The following UCKL1 variants were observed in gnomAD, a reference collection of about 807,000 sequenced individuals.
UCKL1 encodes uridine-cytidine kinase 1 like 1, also known as uridine-cytidine kinase-like 1.
In UCKL1, 65 loss-of-function variants were observed where a neutral mutation model predicts 59.2. The ratio of observed to expected loss-of-function variants is 1.10; its 90% CI spans 0.90 to 1.35. The LOEUF (loss-of-function observed/expected upper bound fraction) is 1.35, where lower values mean the gene tolerates loss of function less well. Among genes scored for constraint, UCKL1 ranks in the 40% most tolerant of loss-of-function variants. UCKL1 has a pLI of 0.00. For missense variants in UCKL1, 703 were observed against 784.3 expected (o/e 0.90, Z 1.24); for synonymous variants, 410 against 323.1 (o/e 1.27, Z -2.88).
Position 63,945,913 on chromosome 20 carries a change from A to C in UCKL1, c.474T>G (p.Asp158Glu), listed in dbSNP as rs960915603. 26 of 1,613,356 alleles carry C rather than the reference A, an allele frequency of 1.6e-5. No individual in the cohort carries two copies. The highest frequency in any genetic ancestry group is 2.2e-5 in the Non-Finnish European group (26 of 1,179,852). ...AAATGATGAGGTCGAAGTCAAAGGCATCTGGGTGGTCGAAGTTGAAGTTGT... is the reference window on the plus strand; with the variant it reads ...AAATGATGAGGTCGAAGTCAAAGGCCTCTGGGTGGTCGAAGTTGAAGTTGT... Reference protein sequence around the residue: ...AHNNFNFDHPDAFDFDLIIST... With the variant: ...AHNNFNFDHPEAFDFDLIIST... The change falls in exon 4 of 15, where the codon GAT becomes GAG. Residue 158 changes from aspartate to glutamate, a missense_variant. Physicochemically the swap from Asp to Glu is conservative, Grantham distance 45 (BLOSUM62 2). Around this residue, in one of 4 missense-constraint regions of UCKL1, gnomAD observed 398 missense variants for 373.0 expected, o/e 1.07. Coordinates refer to ENST00000354216, the MANE Select transcript of UCKL1 (RefSeq NM_017859.4).
At chr20:63,949,807 G>A (rs554337399) in intron 1 of UCKL1, among the ~76,000 whole-genome samples, 1 of 152,214 alleles carries the variant, frequency 6.6e-6, no homozygotes, top group Non-Finnish European at 1.5e-5. Context: ...TCCCAGCACC[G>A]CCCTTGCGGC....
At chr20:63,946,776 G>A in intron 1 of UCKL1, 133 bp from the exon 2 acceptor site, 11 of 919,278 alleles carry the variant, frequency 1.2e-5, no homozygotes, top group South Asian at 1.7e-5. Context: ...CTCATTGGGG[G>A]TACATAAGAA....
chr20:63,945,411 G>A (rs1045179651), intron 5 of UCKL1, among the ~76,000 whole-genome samples: 1 of 152,262 alleles, frequency 6.6e-6, no homozygotes, highest in Non-Finnish European at 1.5e-5. Context: ...CTCCAGGTAT[G>A]CGCACAGGCC....
chr20:63,956,070 C>T (rs1041691368), intron 1 of UCKL1, 190 bp downstream of exon 1: 23 of 497,114 alleles, frequency 4.6e-5, no homozygotes, highest in Non-Finnish European at 7.5e-5. Context: ...CGGCTTGGGC[C>T]AGGTCCGTCC....
At chr20:63,952,852 C>T (rs1601346568) in intron 1 of UCKL1, among the ~76,000 whole-genome samples, 1 of 152,234 alleles carries the variant, frequency 6.6e-6, no homozygotes, top group East Asian at 1.9e-4. Context: ...CAGTTTCCTC[C>T]TCAAGGACTA....
intron 1 of UCKL1, chr20:63,954,117 T>C (rs79575010): frequency 0.013 from 1,949 of 152,776 alleles, 51 homozygotes; most frequent in African/African-American, 0.043. Context: ...GGAGAGTCAT[T>C]AGGGCTGCTT....
At chr20:63,941,433 C>T (rs770097762) in intron 8 of UCKL1, 8 of 635,420 alleles carry the variant, frequency 1.3e-5, no homozygotes, top group Non-Finnish European at 1.9e-5. Flanking sequence ...GGGGCAAGCT[C>T]ACCATCAGGC....
chr20:63,948,195 C>T (rs2056761546), intron 1 of UCKL1: 1 of 152,280 alleles, frequency 6.6e-6, no homozygotes, highest in Admixed American at 6.5e-5. Flanking sequence ...GGGGTCAGCA[C>T]CTTGGCCCTG....
chr20:63,948,336 GCA>G (rs1202716820), intron 1 of UCKL1: 5 of 151,978 alleles, frequency 3.3e-5, no homozygotes, highest in African/African-American at 1.2e-4. Flanking sequence ...TCCTGCAGCG[GCA>G]CAGTCTGTCC....
In UCKL1 at chr20:63,944,567, C is replaced by T. The variant is rs781206055; in HGVS notation, c.822G>A (p.Leu274=). ...FDQYIQPTMR[L]ADIVVPRGSG... Reference sequence around the variant, plus strand: ...CACCTCTGGGGACCACGATGTCTGCCAGGCGCATGGTGGGCTGGATGTACT... The same window carrying T: ...CACCTCTGGGGACCACGATGTCTGCTAGGCGCATGGTGGGCTGGATGTACT... The change falls in exon 6 of 15, where the codon CTG becomes CTA. Residue 274 remains leucine, a synonymous_variant. Coordinates refer to ENST00000354216, the MANE Select transcript of UCKL1 (RefSeq NM_017859.4). 5.6e-6 allele frequency: 9 copies of T among 1,612,004 alleles called. No homozygotes were observed. In the Admixed American group the frequency reaches 1.3e-4, roughly 24 times the overall value.
At chr20:63,946,736 CCCT>C (rs1404879674) in intron 1 of UCKL1, 93 bp from the exon 2 acceptor site, 2 of 1,365,510 alleles carry the variant, frequency 1.5e-6, no homozygotes, top group Admixed American at 2.1e-5. Flanking sequence ...CCCCCCCACC[CCCT>C]CAACAGGCAT....
Position 63,940,974 on chromosome 20 carries a change from G to C in UCKL1, c.1092C>G (p.His364Gln). ...CCTGAAAGGGCAGGAAGGAGAGCGC[G>C]TGCTCGATGAGCAGCCGCATCAGTC... Reference protein sequence around the residue: ...SKRLMRLLIEHALSFLPFQDC... With the variant: ...SKRLMRLLIEQALSFLPFQDC... Residue 364 changes from histidine (H) to glutamine (Q), a missense_variant, in exon 10 of 15, where the codon CAC becomes CAG. Physicochemically the swap from His to Gln is conservative, Grantham distance 24 (BLOSUM62 0). Coordinates refer to ENST00000354216, the MANE Select transcript of UCKL1 (RefSeq NM_017859.4). 1 of 1,527,670 alleles carries C rather than the reference G, an allele frequency of 6.5e-7. No homozygotes were observed. The highest frequency in any genetic ancestry group is 1.3e-5 in the South Asian group (1 of 78,422). The allele number at this position is 1,527,670 out of a possible 1,614,324, so 94.6% of individuals were successfully genotyped here.
chr20:63,942,411 G>A (rs1417162821), intron 8 of UCKL1: 3 of 1,170,506 alleles, frequency 2.6e-6, no homozygotes, highest in African/African-American at 1.6e-5. Flanking sequence ...CGGGAGCAGC[G>A]GGGCAAGGGG....
rs1023398368 is a variant in UCKL1, at chr20:63,945,664, T to G, written c.641A>C (p.Lys214Thr). ...IFEGIMAFADKTLLELLDMKI... is the reference protein window; with the variant it reads ...IFEGIMAFADTTLLELLDMKI... ...GCGGGTGCTTACCTCCAACAGTGTC[T>G]TGTCAGCAAAGGCCATGATGCCCTC... The change falls in exon 5 of 15, where the codon AAG (lysine) becomes ACG (threonine). Residue 214 changes from lysine (K) to threonine (T), a missense_variant. Physicochemically the swap from Lys to Thr is moderately conservative, Grantham distance 78 (BLOSUM62 -1). Around this residue, in one of 4 missense-constraint regions of UCKL1, gnomAD observed 398 missense variants for 373.0 expected, o/e 1.07. Transcript: ENST00000354216. 2.5e-6 allele frequency: 4 copies of G among 1,612,914 alleles called. No individual in the cohort carries two copies. The African/African-American group carries it at 5.3e-5, about 22-fold the overall frequency.
chr20:63,944,657 C>T lies in UCKL1; in HGVS notation c.732G>A (p.Glu244=). The stretch of plus-strand genomic sequence containing the variant: ...TGACACCCTCGATGTCCCGGCCGCG[C>T]TCACTGATGTCCCGGCGCAGCCGCC... ...LVRRLRRDIS[E]RGRDIEGVIK... is the part of the protein sequence containing the mutation. The change falls in exon 6 of 15, where the codon GAG becomes GAA. Residue 244 remains glutamate, a synonymous_variant. Transcript: ENST00000354216. 1 of 1,612,876 alleles carries T rather than the reference C, an allele frequency of 6.2e-7. No individual in the cohort carries two copies. The highest frequency in any genetic ancestry group is 8.5e-7 in the Non-Finnish European group (1 of 1,179,958).
At chr20:63,941,909 G>A (rs2054595333) in intron 8 of UCKL1, among the ~76,000 whole-genome samples, 1 of 151,372 alleles carries the variant, frequency 6.6e-6, no homozygotes, top group Non-Finnish European at 1.5e-5. Context: ...GAAAGCGACA[G>A]GCCACAGAAT....
intron 5 of UCKL1, 69 bp downstream of exon 5, chr20:63,945,582 G>A (rs532997467): frequency 3.3e-5 from 51 of 1,523,838 alleles, no homozygotes; most frequent in South Asian, 1.6e-4. Flanking sequence ...GCAGGAGGAC[G>A]CACACCTCAT....
chr20:63,943,104 G>C (rs763009468), intron 8 of UCKL1, among the ~76,000 whole-genome samples: 1 of 152,218 alleles, frequency 6.6e-6, no homozygotes, highest in African/African-American at 2.4e-5. Context: ...ATGCGGCCCC[G>C]GCCCAGCCCA....
intron 8 of UCKL1, among the ~76,000 whole-genome samples, chr20:63,942,007 C>T (rs943674804): frequency 1.6e-5 from 2 of 128,462 alleles, no homozygotes; most frequent in African/African-American, 6.1e-5. Context: ...GGGAAAGGGG[C>T]GGGGCCGGGA....
Sources: gnomAD v4.1 joint callset for allele counts (sites outside exome capture counted in the v4.1 genomes callset) on GRCh38, gnomAD v4.1.1 for gene constraint, gnomAD v4.1.1 regional missense constraint, MANE v1.5 for transcripts, NCBI Gene and HGNC (gene_info 2026-07-23, HGNC 2026-07-21) for gene names.